TENM4: variants seen among roughly 807,000 people sequenced by gnomAD.
TENM4 encodes teneurin-4.
In TENM4, 82 loss-of-function variants were observed where a neutral mutation model predicts 243.3. The observed-to-expected ratio is 0.34, with a 90% CI of 0.28 to 0.40. The LOEUF (loss-of-function observed/expected upper bound fraction) is 0.40, where lower values mean the gene tolerates loss of function less well. Among genes scored for constraint, TENM4 ranks in the 10% least tolerant of loss-of-function variants. The probability of loss-of-function intolerance (pLI) is 1.00; values close to 1 mark genes in which losing one functional copy is unlikely to be tolerated. For missense variants in TENM4, 3,138 were observed against 3,673.3 expected, an observed-to-expected ratio of 0.85 and a Z score of 3.77; for synonymous variants, 1,412 against 1,456.3, an observed-to-expected ratio of 0.97 and a Z score of 0.69.
chr11:78,956,345 G>A (rs1857206210), intron 6 of TENM4, among the ~76,000 whole-genome samples: 1 of 152,288 alleles, frequency 6.6e-6, no homozygotes, highest in East Asian at 1.9e-4. Flanking sequence ...CCCGACAGCA[G>A]ACAGTCTATC....
chr11:78,704,375 G>A (rs192538413), intron 27 of TENM4, among the ~76,000 whole-genome samples: 133 of 151,634 alleles, frequency 8.8e-4, no homozygotes, highest in African/African-American at 2.7e-3. Flanking sequence ...GTATACCATC[G>A]TCTATAAGAG....
chr11:78,753,462 C>T (rs1354056199), intron 19 of TENM4, among the ~76,000 whole-genome samples: 1 of 152,232 alleles, frequency 6.6e-6, no homozygotes, highest in East Asian at 1.9e-4. Context: ...GTTGATTTCA[C>T]TTTATCCCAG....
intron 4 of TENM4, among the ~76,000 whole-genome samples, chr11:79,135,649 CAT>C (rs1479716331): frequency 7.0e-6 from 1 of 142,102 alleles, no homozygotes; most frequent in Non-Finnish European, 1.5e-5. Flanking sequence ...ATATACATAT[CAT>C]ATATATACAC....
intron 6 of TENM4, among the ~76,000 whole-genome samples, chr11:78,914,644 C>T (rs1856272554): frequency 6.6e-6 from 1 of 152,168 alleles, no homozygotes; most frequent in African/African-American, 2.4e-5. Flanking sequence ...TCTATACTCC[C>T]TCTCCTAATG....
chr11:79,054,182 A>G (rs1431386572), intron 6 of TENM4, among the ~76,000 whole-genome samples: 3 of 152,156 alleles, frequency 2.0e-5, no homozygotes, highest in Non-Finnish European at 2.9e-5. Flanking sequence ...AATCATCCCA[A>G]TGACCATTTA....
intron 29 of TENM4, among the ~76,000 whole-genome samples, 174 bp downstream of exon 29, chr11:78,687,880 G>A (rs1004608107): frequency 3.9e-5 from 6 of 152,270 alleles, no homozygotes; most frequent in South Asian, 2.1e-4. Context: ...TTCTGAGAGG[G>A]AATTTACTTG....
At chr11:78,787,847 T>C (rs963036267) in intron 15 of TENM4, among the ~76,000 whole-genome samples, 4 of 152,166 alleles carry the variant, frequency 2.6e-5, no homozygotes, top group African/African-American at 9.7e-5. Context: ...TGTGAGATGG[T>C]GCAAAACACA....
At chr11:78,977,253 C>G (rs115339351) in intron 6 of TENM4, among the ~76,000 whole-genome samples, 1,619 of 152,314 alleles carry the variant, frequency 0.011, 29 homozygotes, top group African/African-American at 0.037. Flanking sequence ...CCACCCTCCT[C>G]TACTATGACC....
intron 4 of TENM4, among the ~76,000 whole-genome samples, chr11:79,117,266 T>A (rs1378227234): frequency 6.6e-6 from 1 of 152,128 alleles, no homozygotes; most frequent in African/African-American, 2.4e-5. Context: ...GACAGGCACA[T>A]AATGGCCGTG....
intron 33 of TENM4, among the ~76,000 whole-genome samples, chr11:78,659,819 T>C (rs1181132324): frequency 6.6e-6 from 1 of 152,202 alleles, no homozygotes; most frequent in African/African-American, 2.4e-5. Flanking sequence ...TCACAGAGCT[T>C]GGAGAAGCCA....
rs1855602650 is a variant in TENM4, at chr11:78,729,572, G to T, written c.3210C>A (p.Gly1070=). 1.2e-6 allele frequency: 2 copies of T among 1,613,952 alleles called. No homozygotes were observed. Among genetic ancestry groups the T allele is most frequent in the Non-Finnish European group, 1.7e-6 (2 of 1,179,870 alleles). The stretch of plus-strand genomic sequence containing the variant: ...GGCTGATCCTCAGGACAGATTTGTA[G>T]CCAGGGGTCCGGCTGCTCAGGTAGC... ...RLSYLSSRTP[G]YKSVLRISLT... Residue 1070 remains glycine (G), a synonymous_variant, in exon 22 of 34, where the codon GGC becomes GGA. Coordinates refer to ENST00000278550, the MANE Select transcript of TENM4 (RefSeq NM_001098816.3).
chr11:79,109,936 G>A (rs1006813782), intron 4 of TENM4, among the ~76,000 whole-genome samples: 17 of 152,330 alleles, frequency 1.1e-4, no homozygotes, highest in Non-Finnish European at 1.5e-4. Flanking sequence ...CTGGCACACT[G>A]TGAATGCTAA....
chr11:79,000,131 C>T (rs1321936088), intron 6 of TENM4, among the ~76,000 whole-genome samples: 1 of 152,120 alleles, frequency 6.6e-6, no homozygotes, highest in African/African-American at 2.4e-5. Context: ...TGTCAATGAA[C>T]AATTTTATAT....
At chr11:78,805,180 A>G in intron 15 of TENM4, 112 bp downstream of exon 15, 1 of 591,670 alleles carries the variant, frequency 1.7e-6, no homozygotes, top group Non-Finnish European at 2.7e-6. Context: ...AAAAGCACTC[A>G]GAGGCACGGG....
At chr11:79,057,345 C>A (rs1591247609) in intron 6 of TENM4, among the ~76,000 whole-genome samples, 1 of 152,112 alleles carries the variant, frequency 6.6e-6, no homozygotes, top group Admixed American at 6.5e-5. Context: ...AAACTAGCCA[C>A]ACACACACTC....
intron 4 of TENM4, among the ~76,000 whole-genome samples, chr11:79,110,812 T>C (rs1250929742): frequency 6.6e-6 from 1 of 152,138 alleles, no homozygotes; most frequent in Non-Finnish European, 1.5e-5. Flanking sequence ...CCTTTGCCGG[T>C]AAAGCACCCG....
chr11:78,925,966 AAAC>A (rs1302562091), intron 6 of TENM4, among the ~76,000 whole-genome samples: 1 of 151,388 alleles, frequency 6.6e-6, no homozygotes, highest in East Asian at 1.9e-4. Flanking sequence ...TAAAAAAAAA[AAAC>A]AACCCCAAAG....
intron 2 of TENM4, among the ~76,000 whole-genome samples, chr11:79,221,804 C>T (rs1002129968): frequency 5.9e-5 from 9 of 152,206 alleles, no homozygotes; most frequent in African/African-American, 1.7e-4. Flanking sequence ...AGTCCTCATT[C>T]ATGAAGACTT....
At chr11:79,063,856 G>C (rs1450640696) in intron 6 of TENM4, among the ~76,000 whole-genome samples, 2 of 152,190 alleles carry the variant, frequency 1.3e-5, no homozygotes, top group African/African-American at 4.8e-5. Flanking sequence ...GAGGAGAGTG[G>C]AATAATGAGT....
Sources: allele counts gnomAD v4.1 joint callset (sites outside exome capture counted in the v4.1 genomes callset), GRCh38; gene constraint gnomAD v4.1.1; transcripts MANE v1.5; gene names NCBI Gene and HGNC (gene_info 2026-07-23, HGNC 2026-07-21).